The following MARK3 variants were observed in gnomAD, a reference collection of about 807,000 sequenced individuals.
The protein encoded by MARK3 is MAP/microtubule affinity-regulating kinase 3.
A neutral mutation model predicts 90.1 loss-of-function variants in MARK3; 46 were observed. The observed-to-expected ratio is 0.51, with a 90% CI of 0.40 to 0.65. The LOEUF is 0.65. MARK3 is among the 30% of genes least tolerant of loss of function. The probability of loss-of-function intolerance (pLI) is 0.00; values close to 1 mark genes in which losing one functional copy is unlikely to be tolerated. For missense variants in MARK3, 818 were observed against 947.2 expected (o/e 0.86, Z 1.79); for synonymous variants, 321 against 332.6 (o/e 0.97, Z 0.38).
At chr14:103,469,364 TAG>T (rs1182641772) in intron 12 of MARK3, 3 of 152,126 alleles carry the variant, frequency 2.0e-5, no homozygotes, top group Non-Finnish European at 2.9e-5. Flanking sequence ...GTATTTTTAA[TAG>T]AGACAGGGTT....
At chr14:103,497,896 T>C (rs563752087) in intron 15 of MARK3, among the ~76,000 whole-genome samples, 6 of 152,218 alleles carry the variant, frequency 3.9e-5, no homozygotes, top group Non-Finnish European at 7.3e-5. Flanking sequence ...TTGTCACTTC[T>C]TTAACATAAG....
At chr14:103,462,514 T>A in intron 7 of MARK3, 53 bp downstream of exon 7, 1 of 1,359,958 alleles carries the variant, frequency 7.4e-7, no homozygotes, top group African/African-American at 1.4e-5. Flanking sequence ...TGTGCAGTTC[T>A]CTCAGTGGTC....
chr14:103,485,270 T>C (rs1283039371), intron 14 of MARK3, among the ~76,000 whole-genome samples: 2 of 145,652 alleles, frequency 1.4e-5, no homozygotes, highest in African/African-American at 2.5e-5. Context: ...TTTTTTTTTT[T>C]TTTTTTAAGA....
At chr14:103,489,027 G>T (rs556622129) in intron 14 of MARK3, among the ~76,000 whole-genome samples, 2 of 152,306 alleles carry the variant, frequency 1.3e-5, no homozygotes, top group African/African-American at 4.8e-5. Flanking sequence ...GGGGCACATT[G>T]ACAAGATTTT....
intron 12 of MARK3, among the ~76,000 whole-genome samples, chr14:103,473,426 G>A (rs1214026716): frequency 6.6e-6 from 1 of 152,186 alleles, no homozygotes. Context: ...AAAAGGTTTT[G>A]TATTTTCTAA....
At chr14:103,491,590 C>T in intron 14 of MARK3, 187 bp from the exon 15 acceptor site, 1 of 590,552 alleles carries the variant, frequency 1.7e-6, no homozygotes. Context: ...GAGGCTTTGT[C>T]TCATTATGTA....
chr14:103,495,084 GCACA>G (rs2075266109), intron 15 of MARK3, among the ~76,000 whole-genome samples: 1 of 152,088 alleles, frequency 6.6e-6, no homozygotes, highest in Non-Finnish European at 1.5e-5. Context: ...GTACAAGTGT[GCACA>G]CACACTCATT....
At chr14:103,445,059 A>G (rs1156703710) in intron 3 of MARK3, among the ~76,000 whole-genome samples, 1 of 152,018 alleles carries the variant, frequency 6.6e-6, no homozygotes. Flanking sequence ...CTATATCAGC[A>G]GCTTATAATT....
chr14:103,423,200 C>CGTTTTTTTTTTTTTTTTTTT (rs2092284055), intron 2 of MARK3, among the ~76,000 whole-genome samples: 1 of 94,720 alleles, frequency 1.1e-5, no homozygotes, highest in Non-Finnish European at 1.9e-5. Flanking sequence ...GACTTGCAGT[C>CGTTTTTTTTTTTTTTTTTTT]TTTTTTTTTT....
intron 2 of MARK3, among the ~76,000 whole-genome samples, chr14:103,428,135 T>C (rs576497627): frequency 6.6e-6 from 1 of 152,338 alleles, no homozygotes; most frequent in East Asian, 1.9e-4. Flanking sequence ...GGGGTGATGA[T>C]ATTCCTGCCT....
At chr14:103,413,121 G>T (rs915007336) in intron 2 of MARK3, among the ~76,000 whole-genome samples, 4 of 151,922 alleles carry the variant, frequency 2.6e-5, no homozygotes, top group Non-Finnish European at 5.9e-5. Flanking sequence ...TGATCCACCC[G>T]CCTCGGCCTC....
intron 3 of MARK3, among the ~76,000 whole-genome samples, chr14:103,439,348 C>G (rs756009784): frequency 6.6e-5 from 10 of 152,176 alleles, no homozygotes; most frequent in Non-Finnish European, 1.3e-4. Flanking sequence ...AATTTTACCA[C>G]ATATGGATCA....
chr14:103,394,300 C>G (rs1367131043), intron 1 of MARK3, among the ~76,000 whole-genome samples: 2 of 152,176 alleles, frequency 1.3e-5, no homozygotes, highest in Admixed American at 1.3e-4. Flanking sequence ...AATGTCCTGT[C>G]TCACACAAGA....
intron 5 of MARK3, among the ~76,000 whole-genome samples, chr14:103,453,541 G>T (rs539167792): frequency 6.6e-6 from 1 of 152,272 alleles, no homozygotes; most frequent in South Asian, 2.1e-4. Flanking sequence ...GCATACCTTT[G>T]ACACCACTTT....
chr14:103,491,787 G>T lies in MARK3; in HGVS notation c.1597G>T (p.Asp533Tyr), dbSNP rs759617286. 1.2e-6 allele frequency: 2 copies of T among 1,614,052 alleles called. No individual in the cohort carries two copies. The highest frequency in any genetic ancestry group is 1.3e-5 in the African/African-American group (1 of 75,032). The change falls in exon 15 of 18, where the codon GAT (aspartate) becomes TAT (tyrosine). Residue 533 changes from aspartate (D) to tyrosine (Y), a missense_variant. This residue lies in a region of MARK3 where 560 missense variants were observed against 613.5 expected (regional missense o/e 0.91). Transcript: ENST00000429436. ...TTTCTGATCTCATAGCACTATTCCTGATCAGAGAACTCCAGTTGCTTCAAC... is the reference window on the plus strand; with the variant it reads ...TTTCTGATCTCATAGCACTATTCCTTATCAGAGAACTCCAGTTGCTTCAAC... ...QNGKENSTIP[D>Y]QRTPVASTHS...
At chr14:103,407,554 CT>C (rs71460673) in intron 2 of MARK3, among the ~76,000 whole-genome samples, 409 of 71,620 alleles carry the variant, frequency 5.7e-3, no homozygotes, top group Middle Eastern at 0.015. Context: ...TGTTTTGCCT[CT>C]TTTTTTTTTT....
chr14:103,386,022 G>A lies in MARK3; in HGVS notation c.-8G>A. ...CCCTCGCATTGTGCAGAATTAAAGT[G>A]CAGTAAAATGTCCACTAGGACCCCA... On this transcript the variant is annotated 5_prime_UTR_variant, in exon 1 of 18. Coordinates refer to ENST00000429436, the MANE Select transcript of MARK3 (RefSeq NM_001128918.3). 1.2e-6 allele frequency: 2 copies of A among 1,612,290 alleles called. No homozygotes were observed. The highest frequency in any genetic ancestry group is 1.7e-6 in the Non-Finnish European group (2 of 1,178,250).
At chr14:103,436,091 G>A (rs1207696326) in intron 3 of MARK3, among the ~76,000 whole-genome samples, 9 of 151,958 alleles carry the variant, frequency 5.9e-5, no homozygotes, top group African/African-American at 2.2e-4. Context: ...GGGTTTCACC[G>A]TGTTAGCCAG....
chr14:103,410,787 T>G (rs1241761537), intron 2 of MARK3, among the ~76,000 whole-genome samples: 1 of 152,228 alleles, frequency 6.6e-6, no homozygotes, highest in Non-Finnish European at 1.5e-5. Flanking sequence ...CCCTTTATGT[T>G]TCAGTCATCT....
Sources: gnomAD v4.1 joint callset for allele counts (sites outside exome capture counted in the v4.1 genomes callset) on GRCh38, gnomAD v4.1.1 for gene constraint, gnomAD v4.1.1 regional missense constraint, MANE v1.5 for transcripts, NCBI Gene and HGNC (gene_info 2026-07-23, HGNC 2026-07-21) for gene names.